AFTPH: variants seen among roughly 807,000 people sequenced by gnomAD.
AFTPH encodes the protein aftiphilin protein.
A neutral mutation model predicts 72.5 loss-of-function variants in AFTPH; 7 were observed. That is an observed-to-expected ratio of 0.10 (90% confidence interval 0.05 to 0.18). The LOEUF (loss-of-function observed/expected upper bound fraction) is 0.18, where lower values mean the gene tolerates loss of function less well. AFTPH is among the 10% of genes least tolerant of loss of function. AFTPH has a pLI of 1.00. For missense variants in AFTPH, 979 were observed against 1,060.5 expected (o/e 0.92, Z 1.07); for synonymous variants, 337 against 370.1 (o/e 0.91, Z 1.03).
chr2:64,592,165 G>T (rs183554505), exon 9 of AFTPH: 8 of 919,438 alleles, frequency 8.7e-6, no homozygotes, highest in Non-Finnish European at 1.3e-5. Context: ...TTGGTAAGCC[G>T]CACTAGAAAG....
chr2:64,589,839 G>A (rs1298386608), intron 8 of AFTPH, among the ~76,000 whole-genome samples: 6 of 150,162 alleles, frequency 4.0e-5, no homozygotes, highest in Admixed American at 3.3e-4. Context: ...TAGGAAATCC[G>A]GACCAAAAAA....
intron 2 of AFTPH, among the ~76,000 whole-genome samples, chr2:64,556,239 C>T (rs1393962629): frequency 1.3e-5 from 2 of 152,160 alleles, no homozygotes; most frequent in Admixed American, 6.5e-5. Flanking sequence ...CCACCCGGCT[C>T]GGCCTCCCAA....
intron 7 of AFTPH, among the ~76,000 whole-genome samples, chr2:64,581,538 G>C (rs1050518446): frequency 1.3e-5 from 2 of 151,988 alleles, no homozygotes; most frequent in Non-Finnish European, 2.9e-5. Context: ...TAAAGGCAGG[G>C]CTGTTGGTTT....
intron 8 of AFTPH, among the ~76,000 whole-genome samples, chr2:64,585,872 C>T (rs1433405131): frequency 6.8e-6 from 1 of 147,996 alleles, no homozygotes; most frequent in Non-Finnish European, 1.5e-5. Context: ...CTCCCTTTCT[C>T]TTCATAATTA....
At chr2:64,588,475 A>C (rs1673636909) in intron 8 of AFTPH, among the ~76,000 whole-genome samples, 1 of 151,806 alleles carries the variant, frequency 6.6e-6, no homozygotes, top group Admixed American at 6.6e-5. Flanking sequence ...TCTTATAGGA[A>C]CTCTAACTTC....
chr2:64,579,682 T>TTTTTG, intron 7 of AFTPH, 136 bp downstream of exon 7: 1 of 730,444 alleles, frequency 1.4e-6, no homozygotes, highest in Non-Finnish European at 2.2e-6. Context: ...CAGGCTTTCT[T>TTTTTG]TCTGAACAGT....
At chr2:64,573,318 C>T (rs17700924) in intron 6 of AFTPH, among the ~76,000 whole-genome samples, 7,893 of 151,772 alleles carry the variant, frequency 0.052, 288 homozygotes, top group Middle Eastern at 0.13. Flanking sequence ...CTATCCAGGC[C>T]TTAGTCTCTT....
chr2:64,560,948 G>C lies in AFTPH; in HGVS notation c.1936-6614G>C, dbSNP rs144351527. 6.1e-3 allele frequency among the ~76,000 whole-genome samples: 931 copies of C among 152,302 alleles called. 13 individuals carry two copies. Among genetic ancestry groups the C allele is most frequent in the African/African-American group, 0.021 (882 of 41,574 alleles). ...GGAGTACCCCCTAGTTCTGGCTCTT[G>C]TTAGTATACTCAACCTGTCAGGCTA... On this transcript the variant is annotated intron_variant, in intron 2 of 8. Transcript: ENST00000238856.
exon 2 of AFTPH, chr2:64,551,714 C>A: frequency 6.2e-7 from 1 of 1,613,810 alleles, no homozygotes; most frequent in Non-Finnish European, 8.5e-7. Context: ...GCCTTACAAG[C>A]TTTAAGTCCA....
At chr2:64,572,817 G>A in intron 5 of AFTPH, 129 bp from the exon 6 acceptor site, 4 of 1,140,456 alleles carry the variant, frequency 3.5e-6, no homozygotes, top group Middle Eastern at 2.4e-4. Flanking sequence ...AAAAAAAAAA[G>A]ACTAGTTCCT....
At chr2:64,574,431 T>C (rs1400725234) in intron 6 of AFTPH, among the ~76,000 whole-genome samples, 1 of 152,216 alleles carries the variant, frequency 6.6e-6, no homozygotes, top group African/African-American at 2.4e-5. Flanking sequence ...CTGCAATGAA[T>C]GGCCTTAATT....
intron 2 of AFTPH, among the ~76,000 whole-genome samples, chr2:64,563,623 A>G (rs1436207030): frequency 6.6e-6 from 1 of 152,142 alleles, no homozygotes; most frequent in Admixed American, 6.5e-5. Flanking sequence ...CACATTTTTG[A>G]ATGTTTAACT....
intron 1 of AFTPH, among the ~76,000 whole-genome samples, chr2:64,545,783 G>A (rs1670572237): frequency 6.6e-6 from 1 of 151,920 alleles, no homozygotes; most frequent in East Asian, 1.9e-4. Context: ...GAGGTGGAGT[G>A]GGGGCAGTTC....
chr2:64,562,875 G>A (rs371436180), intron 2 of AFTPH, among the ~76,000 whole-genome samples: 3 of 152,080 alleles, frequency 2.0e-5, no homozygotes, highest in South Asian at 2.1e-4. Flanking sequence ...ACTGCCTTAC[G>A]TGCCTAAGGA....
At chr2:64,555,555 T>TCTCACACACA (rs1188984989) in intron 2 of AFTPH, among the ~76,000 whole-genome samples, 3 of 140,870 alleles carry the variant, frequency 2.1e-5, no homozygotes, top group African/African-American at 5.3e-5. Context: ...AGAGAGACTG[T>TCTCACACACA]CACACACACA....
intron 2 of AFTPH, among the ~76,000 whole-genome samples, chr2:64,557,741 C>A (rs1671468523): frequency 1.3e-5 from 2 of 152,198 alleles, no homozygotes; most frequent in African/African-American, 4.8e-5. Context: ...CTGGAACATA[C>A]AACTGAAAAC....
exon 2 of AFTPH, chr2:64,552,765 G>T (rs140646881): frequency 6.2e-7 from 1 of 1,614,100 alleles, no homozygotes; most frequent in Admixed American, 1.7e-5. Context: ...CAATGAAGAT[G>T]ATTTTGGTGA....
chr2:64,545,152 C>T (rs188254141), intron 1 of AFTPH, among the ~76,000 whole-genome samples: 121 of 151,916 alleles, frequency 8.0e-4, no homozygotes, highest in African/African-American at 2.9e-3. Context: ...ATAGGTTAAT[C>T]ACAGATTAGG....
intron 1 of AFTPH, among the ~76,000 whole-genome samples, chr2:64,531,670 A>G (rs1271724799): frequency 1.3e-5 from 2 of 152,378 alleles, no homozygotes; most frequent in East Asian, 3.9e-4. Flanking sequence ...CCAAATTAAG[A>G]TGTGATTTCA....
Sources: gnomAD v4.1 joint callset for allele counts (sites outside exome capture counted in the v4.1 genomes callset) on GRCh38, gnomAD v4.1.1 for gene constraint, MANE v1.5 for transcripts, NCBI Gene and HGNC (gene_info 2026-07-23, HGNC 2026-07-21) for gene names.